Variants in C4orf51 observed in about 807,000 individuals in gnomAD.
C4orf51 encodes uncharacterized protein C4orf51.
In C4orf51, 25 loss-of-function variants were observed where a neutral mutation model predicts 25.2. That is an observed-to-expected ratio of 0.99 (90% CI 0.72 to 1.39). The LOEUF is 1.39. C4orf51 is among the 40% of genes most tolerant of loss of function. C4orf51 has a pLI of 0.00. For synonymous variants in C4orf51, 100 were observed against 84.5 expected (o/e 1.18, Z -1.01); for missense variants, 252 against 239.6 (o/e 1.05, Z -0.34).
intron 1 of C4orf51, among the ~76,000 whole-genome samples, chr4:145,693,509 G>A (rs1186814440): frequency 2.6e-5 from 4 of 151,966 alleles, no homozygotes; most frequent in South Asian, 2.1e-4. Context: ...CCACAAAGCC[G>A]CCATTGTCAT....
downstream of C4orf51, among the ~76,000 whole-genome samples, chr4:145,732,993 C>T (rs1311809628): frequency 3.9e-5 from 6 of 152,188 alleles, no homozygotes; most frequent in Non-Finnish European, 8.8e-5. Flanking sequence ...TTTTCCTCCG[C>T]GCAAGGCGCC....
rs558217531 is a variant in C4orf51, at chr4:145,699,267, G to A, written c.307+2635G>A. ...TTTGGTGGTCTCTTCACACGGATGC[G>A]CAAGAAATTTGGTGCCGTGACTTGG... On this transcript the variant is annotated intron_variant, in intron 2 of 5. Transcript: ENST00000438731. Among the ~76,000 whole-genome samples, 27 of 117,756 alleles carry A rather than the reference G, an allele frequency of 2.3e-4. 3 individuals carry two copies. Among genetic ancestry groups the A allele is most frequent in the African/African-American group, 9.4e-4 (27 of 28,834 alleles). The allele number at this position is 117,756 out of a possible 152,430, so 77.3% of individuals were successfully genotyped here. A position where few individuals can be genotyped will look rare whatever the true frequency, so the allele number is the denominator to read the frequency against.
At chr4:145,719,786 C>A (rs59883599) in intron 2 of C4orf51, among the ~76,000 whole-genome samples, 1 of 151,808 alleles carries the variant, frequency 6.6e-6, no homozygotes, top group Non-Finnish European at 1.5e-5. Flanking sequence ...TTCCGTGATG[C>A]GCTAAAGGAG....
intron 1 of C4orf51, among the ~76,000 whole-genome samples, chr4:145,742,734 G>T (rs1393704238): frequency 6.6e-6 from 1 of 151,818 alleles, no homozygotes; most frequent in Admixed American, 6.6e-5. Flanking sequence ...TAGAGACGGG[G>T]TTTCACCATG....
rs756407522 is a variant in C4orf51 at position 145,729,940 on chromosome 4, G to A, written c.476G>A (p.Arg159Gln). The A allele has an allele frequency of 6.2e-6, 10 of 1,613,782 alleles. No individual in the cohort carries two copies. The African/African-American group carries it at 8.0e-5, about 13-fold the overall frequency. ...PAQEALINYS[R>Q]RGKGVLKHLH... The stretch of plus-strand genomic sequence containing the variant: ...CAGGAGGCCCTGATAAACTACAGTC[G>A]ACGAGGGAAAGGTGTCCTAAAGCAT... The change falls in exon 5 of 6, where the codon CGA becomes CAA. Residue 159 changes from arginine to glutamine, a missense_variant. By Grantham distance (43) the Arg-to-Gln change is conservative. Transcript: ENST00000438731.
chr4:145,696,700 C>T (rs970225327), intron 2 of C4orf51, 68 bp downstream of exon 2: 2 of 1,164,116 alleles, frequency 1.7e-6, no homozygotes, highest in East Asian at 2.4e-5. Flanking sequence ...CTTTCAGGTT[C>T]TTTTTTTTTC....
At chr4:145,790,515 T>C in the C4orf51 span, among the ~76,000 whole-genome samples, 39 of 152,054 alleles carry the variant, frequency 2.6e-4, no homozygotes, top group Non-Finnish European at 4.6e-4. Context: ...ACCTATAGAG[T>C]TTTTAGAATA....
chr4:145,724,799 C>T (rs1271003097), intron 2 of C4orf51, among the ~76,000 whole-genome samples: 7 of 147,916 alleles, frequency 4.7e-5, no homozygotes, highest in African/African-American at 1.0e-4. Flanking sequence ...CAGGAGGATC[C>T]CTTGAGCCTG....
intron 1 of C4orf51, among the ~76,000 whole-genome samples, chr4:145,685,793 G>A (rs1729118787): frequency 6.6e-6 from 1 of 151,830 alleles, no homozygotes; most frequent in Non-Finnish European, 1.5e-5. Flanking sequence ...CAATATGAGG[G>A]GTGGTCTCCT....
chr4:145,787,910 A>G, the C4orf51 span, among the ~76,000 whole-genome samples: 1 of 152,110 alleles, frequency 6.6e-6, no homozygotes, highest in African/African-American at 2.4e-5. Flanking sequence ...CAGTAATTAA[A>G]TCTCCATCCT....
At chr4:145,729,074 G>T in intron 3 of C4orf51, 95 bp from the exon 4 acceptor site, 1 of 863,468 alleles carries the variant, frequency 1.2e-6, no homozygotes, top group Non-Finnish European at 1.9e-6. Context: ...TCTGAATGCA[G>T]GGGTGGGGAG....
In C4orf51 at chr4:145,762,261, G is replaced by A. The variant is rs1447682953; in HGVS notation, n.167-8727G>A. Among the ~76,000 whole-genome samples, 1 of 152,132 alleles carries A rather than the reference G, an allele frequency of 6.6e-6. No individual in the cohort carries two copies. The highest frequency in any genetic ancestry group is 1.5e-5 in the Non-Finnish European group (1 of 68,024). On this transcript the variant is annotated intron_variant and non_coding_transcript_variant, in intron 1 of 1. Transcript: ENST00000510096. The surrounding 1 kb of genome is among the most constrained non-coding windows in gnomAD (Gnocchi z 4.9). ...ACAGGACTAGCTCTTTGTCAGGAAA[G>A]GAAGCTGAGGACTATGGCAGGGGCA... is the stretch of plus-strand genomic sequence containing the variant.
At chr4:145,758,673 T>A (rs1453835073), downstream of C4orf51, 2 of 152,252 alleles carry the variant, frequency 1.3e-5, no homozygotes, top group Non-Finnish European at 2.9e-5. Context: ...TGTCTTTTAC[T>A]GAGACATTGA....
At chr4:145,692,527 T>G (rs570200309) in intron 1 of C4orf51, among the ~76,000 whole-genome samples, 2 of 152,292 alleles carry the variant, frequency 1.3e-5, no homozygotes, top group African/African-American at 4.8e-5. Flanking sequence ...ACTTTTAAAT[T>G]CATACGCCCA....
At chr4:145,703,221 G>C (rs1730575562) in intron 2 of C4orf51, among the ~76,000 whole-genome samples, 1 of 151,516 alleles carries the variant, frequency 6.6e-6, no homozygotes, top group African/African-American at 2.4e-5. Context: ...GCCGGTCCTT[G>C]CCTTAACTGA....
downstream of C4orf51, among the ~76,000 whole-genome samples, chr4:145,755,509 A>T (rs550525358): frequency 2.0e-4 from 30 of 152,296 alleles, no homozygotes; most frequent in Admixed American, 1.8e-3. Context: ...TCCCTTTTGC[A>T]CCTCCTATCA....
downstream of C4orf51, among the ~76,000 whole-genome samples, chr4:145,733,274 T>C (rs998289237): frequency 7.9e-5 from 12 of 151,502 alleles, no homozygotes; most frequent in Non-Finnish European, 1.2e-4. Context: ...CTTCCTCCCC[T>C]AGCGTCCACA....
chr4:145,784,272 G>A, the C4orf51 span, among the ~76,000 whole-genome samples: 1 of 152,246 alleles, frequency 6.6e-6, no homozygotes, highest in Non-Finnish European at 1.5e-5. Context: ...CTCAGTAGCT[G>A]AGTGAACGCC....
At chr4:145,699,627 G>T (rs1414111081) in intron 2 of C4orf51, among the ~76,000 whole-genome samples, 1 of 152,192 alleles carries the variant, frequency 6.6e-6, no homozygotes, top group East Asian at 1.9e-4. Flanking sequence ...CCTTCCCTTG[G>T]TGTTTAATCA....
Sources: allele counts gnomAD v4.1 joint callset (sites outside exome capture counted in the v4.1 genomes callset), GRCh38; gene constraint gnomAD v4.1.1; non-coding constraint Gnocchi (gnomAD v3.1); transcripts MANE v1.5; gene names NCBI Gene and HGNC (gene_info 2026-07-23, HGNC 2026-07-21).